Variants in HCK observed in about 807,000 individuals in gnomAD.
HCK encodes tyrosine-protein kinase HCK.
A neutral mutation model predicts 70.4 loss-of-function variants in HCK; 40 were observed. The ratio of observed to expected loss-of-function variants is 0.57; its 90% confidence interval spans 0.44 to 0.74. The LOEUF (loss-of-function observed/expected upper bound fraction) is 0.74. Among genes scored for constraint, HCK ranks in the 30% least tolerant of loss-of-function variants. The probability of loss-of-function intolerance (pLI) is 0.00; values close to 1 mark genes in which losing one functional copy is unlikely to be tolerated. For synonymous variants in HCK, 245 were observed against 263.2 expected (o/e 0.93, Z 0.67); for missense variants, 568 against 697.2 (o/e 0.81, Z 2.09).
chr20:32,097,401 A>G (rs1486888321), intron 11 of HCK, among the ~76,000 whole-genome samples: 1 of 152,016 alleles, frequency 6.6e-6, no homozygotes, highest in Non-Finnish European at 1.5e-5. Context: ...AACACGGTGA[A>G]ACCCCATCTC....
At chr20:32,089,109 C>T (rs752347191) in intron 10 of HCK, among the ~76,000 whole-genome samples, 1 of 152,234 alleles carries the variant, frequency 6.6e-6, no homozygotes, top group South Asian at 2.1e-4. Flanking sequence ...GGCGCAGCAG[C>T]TGGGTTCCAA....
intron 1 of HCK, among the ~76,000 whole-genome samples, chr20:32,053,168 T>C (rs1485028499): frequency 2.6e-5 from 4 of 152,094 alleles, no homozygotes; most frequent in East Asian, 1.9e-4. Flanking sequence ...AATTGGAGTA[T>C]GCGAGAGGTG....
chr20:32,100,080 A>T (rs1386050618), intron 12 of HCK, among the ~76,000 whole-genome samples: 1 of 151,298 alleles, frequency 6.6e-6, no homozygotes, highest in Non-Finnish European at 1.5e-5. Context: ...TTATTTTTTT[A>T]ATTTTTTTGT....
chr20:32,072,967 G>T (rs2122531303), intron 2 of HCK, among the ~76,000 whole-genome samples: 1 of 152,282 alleles, frequency 6.6e-6, no homozygotes, highest in South Asian at 2.1e-4. Context: ...AGGCATGGTG[G>T]CATGCGCCTG....
chr20:32,074,529 G>A (rs1257945146), intron 4 of HCK, 94 bp from the exon 5 acceptor site: 1 of 867,802 alleles, frequency 1.2e-6, no homozygotes, highest in Non-Finnish European at 2.0e-6. Flanking sequence ...GCTTTCTGGA[G>A]GCAGGGAGTT....
Position 32,094,091 on chromosome 20 carries a change from A to T in HCK, c.1246+75A>T, listed in dbSNP as rs138648125. 1.0e-4 allele frequency: 145 copies of T among 1,422,938 alleles called. No homozygotes were observed. The African/African-American group carries it at 1.8e-3, about 18-fold the overall frequency. 88.1% of individuals were successfully genotyped at this position (1,422,938 alleles called of 1,614,324 possible). A position where few individuals can be genotyped will look rare whatever the true frequency, so the allele number is the denominator to read the frequency against. On this transcript the variant is annotated intron_variant, in intron 11 of 12. Transcript: ENST00000375852. Reference sequence around the variant, plus strand: ...AGTGTTGAGAGTTGATACTTGTGAGAGCGATTGGTAAAATGCAAGGGACTG... The same window carrying T: ...AGTGTTGAGAGTTGATACTTGTGAGTGCGATTGGTAAAATGCAAGGGACTG...
intron 11 of HCK, among the ~76,000 whole-genome samples, chr20:32,094,815 A>AG (rs2045929490): frequency 6.5e-5 from 9 of 138,780 alleles, no homozygotes; most frequent in Admixed American, 2.1e-4. Flanking sequence ...GAAAGAAAGA[A>AG]AGAAAGAAAG....
At chr20:32,083,680 C>T (rs1200209714) in intron 6 of HCK, among the ~76,000 whole-genome samples, 1 of 152,208 alleles carries the variant, frequency 6.6e-6, no homozygotes, top group African/African-American at 2.4e-5. Flanking sequence ...AGAGAGGTGA[C>T]ATAGTCACAT....
At chr20:32,067,375 T>C (rs550631872) in intron 1 of HCK, among the ~76,000 whole-genome samples, 4 of 152,236 alleles carry the variant, frequency 2.6e-5, no homozygotes, top group East Asian at 3.9e-4. Context: ...TGAACACCAC[T>C]AACTCCTCAC....
intron 11 of HCK, among the ~76,000 whole-genome samples, chr20:32,094,811 A>AG (rs1569010819): frequency 7.5e-4 from 91 of 121,996 alleles, no homozygotes; most frequent in South Asian, 1.1e-3. Context: ...GAAAGAAAGA[A>AG]AGAAAGAAAG....
chr20:32,096,109 C>T (rs576475998), intron 11 of HCK, among the ~76,000 whole-genome samples: 39 of 151,024 alleles, frequency 2.6e-4, no homozygotes, highest in African/African-American at 8.2e-4. Context: ...AGGCTGGTCT[C>T]GAACTGATGA....
intron 1 of HCK, among the ~76,000 whole-genome samples, chr20:32,053,576 T>G (rs2045215224): frequency 7.4e-6 from 1 of 134,562 alleles, no homozygotes; most frequent in Admixed American, 9.1e-5. Flanking sequence ...AGGTGGAGGT[T>G]GCGGTGAGCC....
At position 32,084,522 on chromosome 20, in the gene HCK, C is replaced by A; in HGVS notation, c.814C>A (p.Gln272Lys). The A allele has an allele frequency of 6.2e-7, 1 of 1,613,812 alleles. No individual in the cohort carries two copies. The highest frequency in any genetic ancestry group is 8.5e-7 in the Non-Finnish European group (1 of 1,179,854). Residue 272 changes from glutamine (Q) to lysine (K), a missense_variant, in exon 8 of 13, where the codon CAG becomes AAG. Physicochemically the swap from Gln to Lys is moderately conservative, Grantham distance 53 (BLOSUM62 1). Around this residue, in one of 4 missense-constraint regions of HCK, gnomAD observed 13 missense variants for 38.8 expected, o/e 0.34. Transcript: ENST00000375852. ...GCTGGAGAAGAAACTTGGAGCTGGG[C>A]AGTTTGGGGAAGTCTGGATGGGTAA...
intron 1 of HCK, among the ~76,000 whole-genome samples, chr20:32,055,444 C>CT (rs1033514182): frequency 2.0e-5 from 3 of 152,126 alleles, no homozygotes; most frequent in Non-Finnish European, 4.4e-5. Flanking sequence ...TTTCTATGCA[C>CT]TTTTAAATTA....
rs2045791643 is a variant in HCK, at chr20:32,086,674, A to T, written c.882A>T (p.Pro294=). ...AGGTGGCAGTGAAGACGATGAAGCC[A>T]GGGAGCATGTCGGTGGAGGCCTTCC... The change falls in exon 9 of 13, where the codon CCA becomes CCT. Residue 294 remains proline, a synonymous_variant. Transcript: ENST00000375852. 1 of 1,613,360 alleles carries T rather than the reference A, an allele frequency of 6.2e-7. No individual in the cohort carries two copies. Among genetic ancestry groups the T allele is most frequent in the East Asian group, 2.2e-5 (1 of 44,742 alleles).
At chr20:32,058,465 C>T (rs73247023) in intron 1 of HCK, among the ~76,000 whole-genome samples, 189 of 149,086 alleles carry the variant, frequency 1.3e-3, no homozygotes, top group African/African-American at 4.0e-3. Context: ...CCGGGAGGCA[C>T]GGTTGCAGTG....
intron 7 of HCK, 80 bp from the exon 8 acceptor site, chr20:32,084,311 C>A (rs907566582): frequency 5.8e-5 from 83 of 1,436,928 alleles, no homozygotes; most frequent in Non-Finnish European, 7.3e-5. Flanking sequence ...TCCAGTGGAC[C>A]AGGTAGGGCG....
At chr20:32,069,216 T>G (rs73104645) in intron 1 of HCK, among the ~76,000 whole-genome samples, 3,495 of 152,334 alleles carry the variant, frequency 0.023, 61 homozygotes, top group Non-Finnish European at 0.035. Context: ...GTAGAACCCT[T>G]GCCACCCTTT....
chr20:32,077,851 G>T (rs896157755), intron 5 of HCK, among the ~76,000 whole-genome samples: 2 of 152,026 alleles, frequency 1.3e-5, no homozygotes, highest in Non-Finnish European at 2.9e-5. Flanking sequence ...ACCACAGGGC[G>T]TCTGTCCTGT....
Sources: gnomAD v4.1 joint callset for allele counts (sites outside exome capture counted in the v4.1 genomes callset) on GRCh38, gnomAD v4.1.1 for gene constraint, gnomAD v4.1.1 regional missense constraint, MANE v1.5 for transcripts, NCBI Gene and HGNC (gene_info 2026-07-23, HGNC 2026-07-21) for gene names.